Variants in F13A1 observed in about 807,000 individuals in gnomAD.
The protein encoded by F13A1 is coagulation factor XIII A chain, also known as FSF, A subunit.
In F13A1, 47 loss-of-function variants were observed where a neutral mutation model predicts 80.1. The ratio of observed to expected loss-of-function variants is 0.59; its 90% confidence interval spans 0.46 to 0.75. The LOEUF (loss-of-function observed/expected upper bound fraction) is 0.75. Among genes scored for constraint, F13A1 ranks in the 30% least tolerant of loss-of-function variants. F13A1 has a pLI of 0.00. For synonymous variants in F13A1, 349 were observed against 344.9 expected, an observed-to-expected ratio of 1.01 and a Z score of -0.13; for missense variants, 817 against 930.4, an observed-to-expected ratio of 0.88 and a Z score of 1.59.
intron 3 of F13A1, among the ~76,000 whole-genome samples, chr6:6,298,861 T>G (rs530934241): frequency 0.041 from 6,058 of 149,054 alleles, 1,022 homozygotes; most frequent in African/African-American, 0.15. Flanking sequence ...CTTTACATTT[T>G]GGCATGATTT....
At chr6:6,300,749 G>C (rs1343397127) in intron 3 of F13A1, among the ~76,000 whole-genome samples, 1 of 149,522 alleles carries the variant, frequency 6.7e-6, no homozygotes, top group Non-Finnish European at 1.5e-5. Context: ...TTCCTATTCG[G>C]CCATCTTGGC....
Position 6,295,886 on chromosome 6 carries a change from G to A in F13A1, c.319+9465C>T, listed in dbSNP as rs1404428312. Among the ~76,000 whole-genome samples, 11 of 137,728 alleles carry A rather than the reference G, an allele frequency of 8.0e-5. No individual in the cohort carries two copies. The South Asian group carries it at 9.1e-4, about 11-fold the overall frequency. The allele number at this position is 137,728 out of a possible 152,430, so 90.4% of individuals were successfully genotyped here. On this transcript the variant is annotated intron_variant, in intron 3 of 14. Transcript: ENST00000264870. ...GGGTTTTTATGGTTTTAGGTCTAAC[G>A]TTTAAGTCTTTAATCCATCTTGAAT... is the stretch of plus-strand genomic sequence containing the variant.
rs1206409489 is a variant in F13A1 at position 6,213,165 on chromosome 6, GGAAATACAGAGAACACCACAAA to G, written c.1112+8846_1112+8867del. The stretch of plus-strand genomic sequence containing the variant: ...CAAGGCAGGCCAACGTTCAGATTCA[GGAAATACAGAGAACACCACAAA>G]GATACTCCTCGAGACGAGCAACTCC... On this transcript the variant is annotated intron_variant, in intron 8 of 14. Transcript: ENST00000264870. Among the ~76,000 whole-genome samples the G allele has an allele frequency of 1.6e-4, 25 of 152,172 alleles. No individual in the cohort carries two copies. The South Asian group carries it at 4.4e-3, about 27-fold the overall frequency.
intron 3 of F13A1, among the ~76,000 whole-genome samples, chr6:6,297,657 G>C (rs565628252): frequency 4.7e-5 from 7 of 149,380 alleles, no homozygotes; most frequent in Middle Eastern, 3.4e-3. Flanking sequence ...TATTAGTCTT[G>C]TTAGCGGTCT....
Position 6,174,565 on chromosome 6 carries a change from C to G in F13A1, c.1747+15G>C, listed in dbSNP as rs1467640894. On this transcript the variant is annotated intron_variant, in intron 12 of 14. Coordinates refer to ENST00000264870, the MANE Select transcript of F13A1 (RefSeq NM_000129.4). ...ACAGCGAGTCTCAGAAAGAACCACA[C>G]CATTGTTAGCTTACAGGACAAGGGC... 5.0e-6 allele frequency: 8 copies of G among 1,614,006 alleles called. No homozygotes were observed. Among genetic ancestry groups the G allele is most frequent in the Non-Finnish European group, 6.8e-6 (8 of 1,179,990 alleles).
At chr6:6,245,367 C>T (rs1362315909) in intron 6 of F13A1, among the ~76,000 whole-genome samples, 1 of 152,086 alleles carries the variant, frequency 6.6e-6, no homozygotes, top group Non-Finnish European at 1.5e-5. Flanking sequence ...GAATTACAGG[C>T]ATGCATCACC....
intron 13 of F13A1, among the ~76,000 whole-genome samples, chr6:6,157,534 C>T (rs930082856): frequency 6.6e-5 from 10 of 151,942 alleles, no homozygotes; most frequent in South Asian, 2.1e-4. Flanking sequence ...CAGTTGAGGA[C>T]GAGGATTATA....
chr6:6,163,284 T>C (rs1055596736), intron 13 of F13A1, among the ~76,000 whole-genome samples: 6 of 152,234 alleles, frequency 3.9e-5, no homozygotes, highest in African/African-American at 1.2e-4. Context: ...TCTGAGCCAT[T>C]GTGGTTTCGT....
intron 11 of F13A1, among the ~76,000 whole-genome samples, chr6:6,176,960 C>T (rs780986920): frequency 5.3e-5 from 8 of 152,118 alleles, no homozygotes; most frequent in South Asian, 4.1e-4. Context: ...GAGCGGAGAC[C>T]GCCAAACAGA....
At chr6:6,234,310 C>T (rs948945378) in intron 6 of F13A1, among the ~76,000 whole-genome samples, 3 of 151,962 alleles carry the variant, frequency 2.0e-5, no homozygotes, top group African/African-American at 7.2e-5. Flanking sequence ...TCAACAGTGA[C>T]CAAGTGGAGC....
chr6:6,160,757 A>G (rs571389293), intron 13 of F13A1, among the ~76,000 whole-genome samples: 15 of 152,344 alleles, frequency 9.8e-5, no homozygotes, highest in African/African-American at 3.6e-4. Flanking sequence ...GATAAATAAA[A>G]ACTAGAAAGT....
intron 12 of F13A1, among the ~76,000 whole-genome samples, chr6:6,173,457 G>A (rs1760812057): frequency 1.3e-5 from 2 of 150,492 alleles, no homozygotes; most frequent in African/African-American, 4.9e-5. Flanking sequence ...ACCCAGGCTG[G>A]AGGGCAGTGG....
intron 4 of F13A1, among the ~76,000 whole-genome samples, chr6:6,265,206 G>A (rs1231392990): frequency 6.6e-6 from 1 of 152,236 alleles, no homozygotes; most frequent in Non-Finnish European, 1.5e-5. Context: ...ATCTAGGACA[G>A]ATTAACCCTG....
chr6:6,174,140 A>C (rs1335513340), intron 12 of F13A1, among the ~76,000 whole-genome samples: 1 of 152,216 alleles, frequency 6.6e-6, no homozygotes, highest in African/African-American at 2.4e-5. Context: ...CTATAATTCC[A>C]GCACTTTGGC....
At chr6:6,225,678 T>C (rs1757267202) in intron 6 of F13A1, among the ~76,000 whole-genome samples, 1 of 152,036 alleles carries the variant, frequency 6.6e-6, no homozygotes, top group African/African-American at 2.4e-5. Flanking sequence ...TAAATTTATT[T>C]TTTTTGTAGA....
intron 3 of F13A1, among the ~76,000 whole-genome samples, chr6:6,295,665 G>A (rs1758313820): frequency 7.0e-6 from 1 of 143,816 alleles, no homozygotes; most frequent in African/African-American, 2.8e-5. Context: ...AGATGAGTAG[G>A]TTGCAAAAAT....
intron 13 of F13A1, among the ~76,000 whole-genome samples, chr6:6,166,918 C>T (rs2151072585): frequency 6.6e-6 from 1 of 152,302 alleles, no homozygotes; most frequent in South Asian, 2.1e-4. Context: ...AAGAGGGAAC[C>T]TTCTAGGGGT....
intron 6 of F13A1, among the ~76,000 whole-genome samples, chr6:6,241,548 G>A (rs3024393): frequency 0.013 from 1,916 of 152,180 alleles, 48 homozygotes; most frequent in African/African-American, 0.044. Flanking sequence ...GGGTAAATGT[G>A]AAAAAGTTCC....
chr6:6,302,018 C>A lies in F13A1; in HGVS notation c.319+3333G>T, dbSNP rs143986497. Reference sequence around the variant, plus strand: ...AGAGATCTCCCCAGTAAACTTTCTGCGCACAAGTCTTCTTCTCAGAGTTTA... The same window carrying A: ...AGAGATCTCCCCAGTAAACTTTCTGAGCACAAGTCTTCTTCTCAGAGTTTA... On this transcript the variant is annotated intron_variant, in intron 3 of 14. Transcript: ENST00000264870. 3.0e-4 allele frequency among the ~76,000 whole-genome samples: 46 copies of A among 152,312 alleles called. No homozygotes were observed. In the East Asian group the frequency reaches 6.9e-3, roughly 23 times the overall value.
Sources: gnomAD v4.1 joint callset for allele counts (sites outside exome capture counted in the v4.1 genomes callset) on GRCh38, gnomAD v4.1.1 for gene constraint, MANE v1.5 for transcripts, NCBI Gene and HGNC (gene_info 2026-07-23, HGNC 2026-07-21) for gene names.